Variants in NAA11 observed in about 807,000 individuals in gnomAD.
The protein encoded by NAA11 is N-alpha-acetyltransferase 11.
NAA11 carries 15 observed loss-of-function variants against 16.1 expected under a neutral mutation model. That is an observed-to-expected ratio of 0.93 (90% CI 0.62 to 1.44). The LOEUF (loss-of-function observed/expected upper bound fraction) is 1.44. Among genes scored for constraint, NAA11 ranks in the 40% most tolerant of loss-of-function variants. The pLI, the probability that NAA11 is intolerant of heterozygous loss-of-function variation, is 0.00. For missense variants in NAA11, 298 were observed against 291.3 expected (o/e 1.02, Z -0.17); for synonymous variants, 122 against 112.4 (o/e 1.09, Z -0.54).
intron 2 of NAA11, among the ~76,000 whole-genome samples, chr4:79,279,240 T>A (rs1722734070): frequency 3.3e-5 from 5 of 152,120 alleles, no homozygotes; most frequent in Admixed American, 3.3e-4. Flanking sequence ...ATATACTAAG[T>A]GCTTTGCATA....
At chr4:79,247,357 C>A (rs1320635593) in intron 2 of NAA11, among the ~76,000 whole-genome samples, 1 of 152,126 alleles carries the variant, frequency 6.6e-6, no homozygotes, top group Non-Finnish European at 1.5e-5. Context: ...AATTTCATAT[C>A]TCCCCTGCAT....
intron 2 of NAA11, among the ~76,000 whole-genome samples, chr4:79,261,378 T>C (rs1437195640): frequency 1.3e-5 from 2 of 152,204 alleles, no homozygotes; most frequent in African/African-American, 4.8e-5. Context: ...AGTGTGAATT[T>C]TCAGAGAGTT....
chr4:79,238,836 A>G (rs558681354), intron 2 of NAA11, among the ~76,000 whole-genome samples: 4 of 152,270 alleles, frequency 2.6e-5, no homozygotes, highest in African/African-American at 9.6e-5. Flanking sequence ...GCCAGTATAT[A>G]CTTGCCTCTT....
At chr4:79,250,316 G>A (rs559376811) in intron 2 of NAA11, among the ~76,000 whole-genome samples, 7 of 152,348 alleles carry the variant, frequency 4.6e-5, no homozygotes, top group South Asian at 2.1e-4. Flanking sequence ...GAGAGGCCAC[G>A]TTCAGCGGGC....
At chr4:79,287,488 G>A (rs999704299) in intron 2 of NAA11, among the ~76,000 whole-genome samples, 3 of 150,574 alleles carry the variant, frequency 2.0e-5, no homozygotes, top group Non-Finnish European at 4.4e-5. Flanking sequence ...TTATTCTTTT[G>A]GATATTCAGT....
chr4:79,189,663 A>G, the NAA11 span, among the ~76,000 whole-genome samples: 1 of 152,164 alleles, frequency 6.6e-6, no homozygotes, highest in African/African-American at 2.4e-5. Flanking sequence ...TAGAAACTTG[A>G]TTAGTAACAC....
chr4:79,309,193 C>A (rs960915568), intron 1 of NAA11, among the ~76,000 whole-genome samples: 1 of 152,198 alleles, frequency 6.6e-6, no homozygotes. Context: ...CTGTTAACTA[C>A]CAAACTAGTC....
intron 2 of NAA11, among the ~76,000 whole-genome samples, chr4:79,250,115 C>A (rs1721959741): frequency 6.6e-6 from 1 of 152,274 alleles, no homozygotes; most frequent in Non-Finnish European, 1.5e-5. Context: ...TGCCACAGAT[C>A]TTTGCAATCC....
chr4:79,315,018 G>C (rs1287391245), downstream of NAA11, among the ~76,000 whole-genome samples: 4 of 151,688 alleles, frequency 2.6e-5, no homozygotes, highest in Non-Finnish European at 5.9e-5. Flanking sequence ...AATTATTTAG[G>C]GTCTAATCTA....
chr4:79,158,307 TACACCG>T, the NAA11 span, among the ~76,000 whole-genome samples: 5 of 152,100 alleles, frequency 3.3e-5, no homozygotes, highest in African/African-American at 1.2e-4. Flanking sequence ...AGCTCTGCTA[TACACCG>T]ATAGCAAATG....
intron 1 of NAA11, among the ~76,000 whole-genome samples, chr4:79,303,083 T>C (rs1157738930): frequency 9.6e-5 from 2 of 20,796 alleles, no homozygotes; most frequent in Non-Finnish European, 2.2e-4. Context: ...CTTTTATATA[T>C]ATATATATAT....
At chr4:79,210,061 GT>G in the NAA11 span, among the ~76,000 whole-genome samples, 1 of 152,102 alleles carries the variant, frequency 6.6e-6, no homozygotes, top group Non-Finnish European at 1.5e-5. Flanking sequence ...AAATACACTG[GT>G]TAAATTTGTT....
At chr4:79,181,575 A>C in the NAA11 span, among the ~76,000 whole-genome samples, 5 of 152,320 alleles carry the variant, frequency 3.3e-5, no homozygotes, top group South Asian at 1.0e-3. Flanking sequence ...GGTGGTTTCC[A>C]TTAAGGGGAA....
the NAA11 span, among the ~76,000 whole-genome samples, chr4:79,163,588 A>C: frequency 6.6e-6 from 1 of 152,298 alleles, no homozygotes; most frequent in South Asian, 2.1e-4. Flanking sequence ...TAGAATGCTG[A>C]CTGACACAAG....
chr4:79,302,647 A>T (rs1011873619), intron 1 of NAA11, among the ~76,000 whole-genome samples: 1 of 152,192 alleles, frequency 6.6e-6, no homozygotes, highest in African/African-American at 2.4e-5. Flanking sequence ...ATATTCACAT[A>T]TATTTCATAT....
At chr4:79,195,545 C>A in the NAA11 span, among the ~76,000 whole-genome samples, 3 of 152,042 alleles carry the variant, frequency 2.0e-5, no homozygotes, top group Non-Finnish European at 4.4e-5. Flanking sequence ...TAATGCAACA[C>A]TATTAGCTAA....
intron 2 of NAA11, among the ~76,000 whole-genome samples, chr4:79,250,133 A>G (rs143897868): frequency 1.3e-5 from 2 of 152,376 alleles, no homozygotes; most frequent in East Asian, 3.9e-4. Flanking sequence ...TCCACCCGCT[A>G]TGAGGCCATG....
chr4:79,207,002 G>T, the NAA11 span, among the ~76,000 whole-genome samples: 1 of 151,938 alleles, frequency 6.6e-6, no homozygotes, highest in East Asian at 1.9e-4. Flanking sequence ...ATCTCAGCTT[G>T]GTCATTATTG....
the NAA11 span, among the ~76,000 whole-genome samples, chr4:79,220,240 G>T: frequency 7.6e-3 from 1,157 of 152,274 alleles, 16 homozygotes; most frequent in African/African-American, 0.026. Flanking sequence ...TTACAGGCAG[G>T]CGCCACTACG....
Sources: allele counts gnomAD v4.1 joint callset (sites outside exome capture counted in the v4.1 genomes callset), GRCh38; gene constraint gnomAD v4.1.1; transcripts MANE v1.5; gene names NCBI Gene and HGNC (gene_info 2026-07-23, HGNC 2026-07-21).